The following EBF1 variants were observed in gnomAD, a reference collection of about 807,000 sequenced individuals.
The protein encoded by EBF1 is transcription factor COE1.
Under a neutral mutation model 68.4 loss-of-function variants are expected in EBF1, and 10 were observed. The ratio of observed to expected loss-of-function variants is 0.15; its 90% CI spans 0.09 to 0.25. EBF1 has a LOEUF of 0.25. EBF1 is among the 10% of genes least tolerant of loss of function. The probability of loss-of-function intolerance (pLI) is 1.00; values close to 1 mark genes in which losing one functional copy is unlikely to be tolerated. For synonymous variants in EBF1, 298 were observed against 299.8 expected, an observed-to-expected ratio of 0.99 and a Z score of 0.06; for missense variants, 509 against 794.4, an observed-to-expected ratio of 0.64 and a Z score of 4.32.
chr5:158,713,224 A>G (rs1277518603), intron 12 of EBF1, 77 bp from the exon 13 acceptor site: 16 of 1,249,836 alleles, frequency 1.3e-5, no homozygotes, highest in African/African-American at 1.5e-5. Flanking sequence ...GGTGCCAGGT[A>G]CCGTGCTCAG....
intron 6 of EBF1, among the ~76,000 whole-genome samples, chr5:158,881,916 C>T (rs1409342369): frequency 1.3e-5 from 2 of 152,128 alleles, no homozygotes; most frequent in African/African-American, 2.4e-5. Context: ...GAATCTGTCC[C>T]CCACCTCCCT....
intron 10 of EBF1, among the ~76,000 whole-genome samples, chr5:158,760,072 G>T (rs1176611407): frequency 6.6e-6 from 1 of 152,106 alleles, no homozygotes; most frequent in Non-Finnish European, 1.5e-5. Flanking sequence ...ATAGTACATT[G>T]CCAAGTAGAT....
At chr5:158,758,733 G>C (rs1197851658) in intron 10 of EBF1, among the ~76,000 whole-genome samples, 2 of 152,040 alleles carry the variant, frequency 1.3e-5, no homozygotes, top group Non-Finnish European at 2.9e-5. Context: ...CTGAGATGAC[G>C]TGACATCATT....
intron 6 of EBF1, among the ~76,000 whole-genome samples, chr5:158,868,865 T>C (rs1436435340): frequency 6.6e-6 from 1 of 152,354 alleles, no homozygotes; most frequent in Non-Finnish European, 1.5e-5. Context: ...ATGGTTGATG[T>C]TGAAAGCATT....
At chr5:158,991,246 C>T (rs1760264400) in intron 6 of EBF1, among the ~76,000 whole-genome samples, 1 of 152,150 alleles carries the variant, frequency 6.6e-6, no homozygotes, top group Non-Finnish European at 1.5e-5. Flanking sequence ...TAAATGGAGG[C>T]TATCATTCAT....
chr5:159,046,562 G>A (rs1772438132), intron 6 of EBF1, among the ~76,000 whole-genome samples: 1 of 152,200 alleles, frequency 6.6e-6, no homozygotes, highest in African/African-American at 2.4e-5. Context: ...AGAAGAGACA[G>A]CATGCCAGGA....
intron 6 of EBF1, among the ~76,000 whole-genome samples, chr5:158,998,807 G>T (rs1030371572): frequency 6.6e-6 from 1 of 152,090 alleles, no homozygotes; most frequent in African/African-American, 2.4e-5. Flanking sequence ...GCCAGCACCG[G>T]TGCTTTTACT....
intron 1 of EBF1, among the ~76,000 whole-genome samples, chr5:159,097,857 C>G (rs529593671): frequency 6.6e-6 from 1 of 152,338 alleles, no homozygotes; most frequent in African/African-American, 2.4e-5. Flanking sequence ...CGCCGGCCGG[C>G]GATGGGAGGC....
intron 6 of EBF1, among the ~76,000 whole-genome samples, chr5:158,840,551 C>G (rs913143787): frequency 6.6e-6 from 1 of 151,006 alleles, no homozygotes; most frequent in African/African-American, 2.4e-5. Context: ...TTTATCTTAG[C>G]CTCTCAAGTA....
intron 6 of EBF1, among the ~76,000 whole-genome samples, chr5:158,852,634 C>T (rs1793179811): frequency 6.6e-6 from 1 of 152,118 alleles, no homozygotes; most frequent in South Asian, 2.1e-4. Context: ...ATAGACGATC[C>T]AATAAGCCTG....
At chr5:158,712,392 A>T in intron 13 of EBF1, 59 bp from the exon 14 acceptor site, 1 of 1,579,896 alleles carries the variant, frequency 6.3e-7, no homozygotes, top group African/African-American at 1.3e-5. Context: ...GCAATCCTGG[A>T]AGACTCGGGG....
chr5:158,771,998 G>A (rs1191735226), intron 10 of EBF1, among the ~76,000 whole-genome samples: 1 of 152,132 alleles, frequency 6.6e-6, no homozygotes, highest in Non-Finnish European at 1.5e-5. Flanking sequence ...AGTAGCTAAA[G>A]TGAGCTGGAG....
chr5:158,936,034 G>C (rs550198475), intron 6 of EBF1, among the ~76,000 whole-genome samples: 1 of 152,308 alleles, frequency 6.6e-6, no homozygotes, highest in East Asian at 1.9e-4. Flanking sequence ...TAAAAAAGGA[G>C]AGGCTTGGTT....
intron 6 of EBF1, among the ~76,000 whole-genome samples, chr5:159,056,892 A>G (rs914076683): frequency 6.6e-6 from 1 of 152,160 alleles, no homozygotes; most frequent in African/African-American, 2.4e-5. Context: ...TAAAATTCCT[A>G]CTGAAAGATG....
intron 11 of EBF1, among the ~76,000 whole-genome samples, chr5:158,720,308 G>T (rs2127513984): frequency 6.6e-6 from 1 of 152,260 alleles, no homozygotes; most frequent in African/African-American, 2.4e-5. Context: ...CGAATGCTGA[G>T]AAATTGATTG....
chr5:159,043,921 A>G (rs1001381836), intron 6 of EBF1, among the ~76,000 whole-genome samples: 1 of 152,194 alleles, frequency 6.6e-6, no homozygotes, highest in African/African-American at 2.4e-5. Context: ...TTGTGCAGTC[A>G]CAGTACAATG....
At chr5:159,074,811 C>T (rs113845457) in intron 5 of EBF1, among the ~76,000 whole-genome samples, 5 of 152,282 alleles carry the variant, frequency 3.3e-5, no homozygotes, top group African/African-American at 4.8e-5. Context: ...ACCTTATAGC[C>T]TTTCACCTTC....
chr5:158,825,770 A>T (rs1785967597), intron 7 of EBF1, among the ~76,000 whole-genome samples: 1 of 152,214 alleles, frequency 6.6e-6, no homozygotes, highest in South Asian at 2.1e-4. Context: ...TTATACTTTT[A>T]ATTTCTAGAA....
chr5:158,963,663 GA>G lies in EBF1; in HGVS notation c.554+109732del, dbSNP rs769317677. Among the ~76,000 whole-genome samples the G allele has an allele frequency of 7.9e-5, 12 of 152,044 alleles. No homozygotes were observed. In the East Asian group the frequency reaches 1.2e-3, roughly 15 times the overall value. On this transcript the variant is annotated intron_variant, in intron 6 of 15. Transcript: ENST00000313708. ...CTGATCCCCTTTGTAACTTGGGTAG[GA>G]AAAAAACAAAGATATTAAATCGAAA...
Sources: gnomAD v4.1 joint callset for allele counts (sites outside exome capture counted in the v4.1 genomes callset) on GRCh38, gnomAD v4.1.1 for gene constraint, MANE v1.5 for transcripts, NCBI Gene and HGNC (gene_info 2026-07-23, HGNC 2026-07-21) for gene names.